The following NOC4L variants were observed in gnomAD, a reference collection of about 807,000 sequenced individuals.
The protein encoded by NOC4L is nucleolar complex protein 4 homolog.
In NOC4L, 40 loss-of-function variants were observed where a neutral mutation model predicts 62.8. The observed-to-expected ratio is 0.64, with a 90% CI of 0.49 to 0.83. NOC4L has a LOEUF of 0.83. Among genes scored for constraint, NOC4L ranks in the 40% least tolerant of loss-of-function variants. The pLI is 0.00. For synonymous variants in NOC4L, 433 were observed against 299.8 expected, an observed-to-expected ratio of 1.44 and a Z score of -4.59; for missense variants, 927 against 701.9, an observed-to-expected ratio of 1.32 and a Z score of -3.62.
rs1163577924 is a variant in NOC4L, at chr12:132,151,516, C to T, written c.1106C>T (p.Ala369Val). 6.2e-7 allele frequency: 1 copy of T among 1,606,480 alleles called. No individual in the cohort carries two copies. Among genetic ancestry groups the T allele is most frequent in the Non-Finnish European group, 8.5e-7 (1 of 1,179,168 alleles). ...CCCGCCTACCTGGTGGCCGCCTTCG[C>T]CAAGCGGCTGGCCCGCCTGGCCCTG... ...HLPAYLVAAF[A>V]KRLARLALTA... Residue 369 changes from alanine to valine, a missense_variant, in exon 12 of 15, where the codon GCC becomes GTC. Coordinates refer to ENST00000330579, the MANE Select transcript of NOC4L (RefSeq NM_024078.3).
rs762355877 is a variant in NOC4L at position 132,144,854 on chromosome 12, T to C, written c.118T>C (p.Ser40Pro). 2.5e-6 allele frequency: 4 copies of C among 1,600,188 alleles called. No individual in the cohort carries two copies. Among genetic ancestry groups the C allele is most frequent in the Non-Finnish European group, 1.7e-6 (2 of 1,175,446 alleles). The change falls in exon 2 of 15, where the codon TCT becomes CCT. Residue 40 changes from serine to proline, a missense_variant and splice_region_variant. Ser to Pro is a moderately conservative substitution (Grantham distance 74). Transcript: ENST00000330579. ...AVFDILAVLQ[S>P]EDQEEIQEAV... is the part of the protein sequence containing the mutation. ...CACCCTGCCGCCGCCTCTCCTGCAG[T>C]CTGAGGACCAGGAGGAGATCCAGGA...
intron 13 of NOC4L, 121 bp downstream of exon 13, chr12:132,151,941 G>GT: frequency 8.0e-7 from 1 of 1,255,208 alleles, no homozygotes; most frequent in Non-Finnish European, 1.1e-6. Flanking sequence ...GGCCACCTGG[G>GT]TTTGTGGGTG....
Position 132,148,795 on chromosome 12 carries a change from C to T in NOC4L, c.801C>T (p.Ser267=). The change falls in exon 9 of 15, where the codon AGC becomes AGT. Residue 267 remains serine (S), a synonymous_variant. Coordinates refer to ENST00000330579, the MANE Select transcript of NOC4L (RefSeq NM_024078.3). ...LSFLKHKLPL[S]LYKKVLLIVH... ...CGGCCCCCGCCCAGCTGCCCCTCAG[C>T]CTCTACAAGAAGGTGCTGCTGATTG... 1.3e-6 allele frequency: 2 copies of T among 1,593,038 alleles called. No homozygotes were observed. Among genetic ancestry groups the T allele is most frequent in the Non-Finnish European group, 1.7e-6 (2 of 1,172,046 alleles).
chr12:132,151,323 A>C lies in NOC4L; in HGVS notation c.1028A>C (p.Tyr343Ser), dbSNP rs1417049267. ...LLDPSVFHVK[Y>S]RARFFHLADL... ...GACCCCTCTGTCTTTCACGTCAAGT[A>C]CCGCGCCCGCTTCTTCCACCTGGCT... is the stretch of plus-strand genomic sequence containing the variant. The change falls in exon 11 of 15, where the codon TAC (tyrosine) becomes TCC (serine). Residue 343 changes from tyrosine to serine, a missense_variant. Coordinates refer to ENST00000330579, the MANE Select transcript of NOC4L (RefSeq NM_024078.3). 6.2e-7 allele frequency: 1 copy of C among 1,611,706 alleles called. No individual in the cohort carries two copies.
rs778833158 is a variant in NOC4L, at chr12:132,152,314, C to T, written c.1464C>T (p.Pro488=). 1.9e-5 allele frequency: 30 copies of T among 1,555,184 alleles called. No individual in the cohort carries two copies. The Middle Eastern group carries it at 5.1e-4, about 26-fold the overall frequency. Residue 488 remains proline (P), a synonymous_variant, in exon 15 of 15, where the codon CCC becomes CCT. Coordinates refer to ENST00000330579, the MANE Select transcript of NOC4L (RefSeq NM_024078.3). Reference sequence around the variant, plus strand: ...AGCGGGACCTGAAGAAGAAGGGGCCCGAGCCGGTGCCACTGGAGTTTATCC... The same window carrying T: ...AGCGGGACCTGAAGAAGAAGGGGCCTGAGCCGGTGCCACTGGAGTTTATCC... ...IFERDLKKKG[P]EPVPLEFIPA... is the part of the protein sequence containing the mutation.
chr12:132,147,424 C>A, intron 4 of NOC4L, 36 bp downstream of exon 4: 1 of 1,535,102 alleles, frequency 6.5e-7, no homozygotes, highest in South Asian at 1.2e-5. Context: ...GAGGGCCTGG[C>A]TGGCTGGCCA....
intron 3 of NOC4L, among the ~76,000 whole-genome samples, chr12:132,146,010 T>C (rs1897705019): frequency 6.6e-6 from 1 of 152,220 alleles, no homozygotes; most frequent in Non-Finnish European, 1.5e-5. Context: ...TCTTAAAATC[T>C]GTAGTGAGGA....
intron 13 of NOC4L, 99 bp downstream of exon 13, chr12:132,151,919 G>A: frequency 7.5e-7 from 1 of 1,330,802 alleles, no homozygotes; most frequent in South Asian, 1.2e-5. Context: ...GCCTCATGTT[G>A]CGTCCCCAGC....
rs1373294104 is a variant in NOC4L, at chr12:132,148,878, C to T, written c.884C>T (p.Thr295Ile). ...AQPTLMIDFL[T>I]RACDLGGALS... ...CCCACGCTCATGATCGACTTCCTCA[C>T]CCGCGCCTGCGACCTCGGTGAGTGC... is the stretch of plus-strand genomic sequence containing the variant. The change falls in exon 9 of 15, where the codon ACC (threonine) becomes ATC (isoleucine). Residue 295 changes from threonine (T) to isoleucine (I), a missense_variant. Thr to Ile is a moderately conservative substitution (Grantham distance 89). Coordinates refer to ENST00000330579, the MANE Select transcript of NOC4L (RefSeq NM_024078.3). 2 of 1,596,100 alleles carry T rather than the reference C, an allele frequency of 1.3e-6. No homozygotes were observed. Among genetic ancestry groups the T allele is most frequent in the African/African-American group, 2.7e-5 (2 of 74,502 alleles).
At chr12:132,144,704 T>A in intron 1 of NOC4L, 99 bp downstream of exon 1, 1 of 1,433,038 alleles carries the variant, frequency 7.0e-7, no homozygotes, top group Non-Finnish European at 9.2e-7. Flanking sequence ...CGAGACGGCG[T>A]TGGGGGGTCA....
Position 132,151,749 on chromosome 12 carries a change from G to T in NOC4L, c.1246G>T (p.Asp416Tyr), listed in dbSNP as rs757837676. The stretch of plus-strand genomic sequence containing the variant: ...CGTCTCATTCCTAGAGTTGGACGCC[G>T]ACCCCTACGACCCTGGAGAGGAGGA... ...HRPHGPELDA[D>Y]PYDPGEEDPA... Residue 416 changes from aspartate (D) to tyrosine (Y), a missense_variant, in exon 13 of 15, where the codon GAC (aspartate) becomes TAC (tyrosine). Transcript: ENST00000330579. The T allele has an allele frequency of 6.2e-7, 1 of 1,612,356 alleles. No homozygotes were observed. The highest frequency in any genetic ancestry group is 8.5e-7 in the Non-Finnish European group (1 of 1,179,806).
chr12:132,152,092 G>A lies in NOC4L; in HGVS notation c.1326G>A (p.Gln442=). The A allele has an allele frequency of 6.4e-7, 1 of 1,572,714 alleles. No individual in the cohort carries two copies. Among genetic ancestry groups the A allele is most frequent in the Non-Finnish European group, 8.6e-7 (1 of 1,156,974 alleles). Reference sequence around the variant, plus strand: ...CGGCCCTACTGCCCCAGGCCCTCCAGCGCCACTACCACCCTGAGGTGTCCA... The same window carrying A: ...CGGCCCTACTGCCCCAGGCCCTCCAACGCCACTACCACCCTGAGGTGTCCA... ...ESSLWELQAL[Q]RHYHPEVSKA... is the part of the protein sequence containing the mutation. The change falls in exon 14 of 15, where the codon CAG becomes CAA. Residue 442 remains glutamine, a synonymous_variant. Coordinates refer to ENST00000330579, the MANE Select transcript of NOC4L (RefSeq NM_024078.3).
At position 132,151,597 on chromosome 12, in the gene NOC4L, G is replaced by A. The variant is rs199689064; in HGVS notation, c.1187G>A (p.Arg396His). The change falls in exon 12 of 15, where the codon CGC (arginine) becomes CAC (histidine). Residue 396 changes from arginine to histidine, a missense_variant. By Grantham distance (29) the Arg-to-His change is conservative. Coordinates refer to ENST00000330579, the MANE Select transcript of NOC4L (RefSeq NM_024078.3). ...MVLPFICNLL[R>H]RHPACRVLVH... ...CTGCCTTTCATCTGTAACCTGCTGC[G>A]CCGGCACCCTGCCTGCCGGGTCCTC... The A allele has an allele frequency of 1.2e-4, 191 of 1,611,374 alleles. 1 individual carries two copies. Among genetic ancestry groups the A allele is most frequent in the East Asian group, 1.0e-3 (45 of 44,850 alleles).
intron 7 of NOC4L, 34 bp downstream of exon 7, chr12:132,148,140 G>T: frequency 6.2e-7 from 1 of 1,610,262 alleles, no homozygotes; most frequent in Non-Finnish European, 8.5e-7. Flanking sequence ...GCACCCTCCC[G>T]GGTTTGGGGG....
At position 132,150,981 on chromosome 12, in the gene NOC4L, G is replaced by T. The variant is rs377359390; in HGVS notation, c.902G>T (p.Gly301Val). The T allele has an allele frequency of 6.8e-6, 11 of 1,607,460 alleles. No individual in the cohort carries two copies. Among genetic ancestry groups the T allele is most frequent in the South Asian group, 2.2e-5 (2 of 90,226 alleles). ...IDFLTRACDL[G>V]GALSLLALNG... ...CCAGCCTGTGTCTGTCTGTCTGCAG[G>T]GGGGGCCCTCAGCCTCTTGGCCTTG... Residue 301 changes from glycine (G) to valine (V), a missense_variant and splice_region_variant, in exon 10 of 15, where the codon GGG becomes GTG. Transcript: ENST00000330579.
intron 9 of NOC4L, 58 bp from the exon 10 acceptor site, chr12:132,150,922 CA>C (rs1897910343): frequency 1.6e-6 from 2 of 1,262,498 alleles, no homozygotes; most frequent in Admixed American, 1.8e-5. Flanking sequence ...TCAGTGTGGG[CA>C]GGGGGTAGGG....
intron 1 of NOC4L, 31 bp from the exon 2 acceptor site, chr12:132,144,823 G>C: frequency 6.3e-7 from 1 of 1,584,420 alleles, no homozygotes; most frequent in Non-Finnish European, 8.6e-7. Context: ...ACAGTTGGCG[G>C]CCGGGCACCC....
intron 9 of NOC4L, 81 bp from the exon 10 acceptor site, chr12:132,150,900 A>G (rs928538284): frequency 1.8e-5 from 19 of 1,057,810 alleles, no homozygotes; most frequent in Admixed American, 6.0e-5. Context: ...GCCACACTCC[A>G]CAGACTTACA....
At chr12:132,150,757 C>A (rs568731648) in intron 9 of NOC4L, 1 of 596,688 alleles carries the variant, frequency 1.7e-6, no homozygotes, top group Non-Finnish European at 3.0e-6. Context: ...CGCCGCCTCG[C>A]TCACACCCCC....
Sources: allele counts gnomAD v4.1 joint callset (sites outside exome capture counted in the v4.1 genomes callset), GRCh38; gene constraint gnomAD v4.1.1; transcripts MANE v1.5; gene names NCBI Gene and HGNC (gene_info 2026-07-23, HGNC 2026-07-21).